PPARD: variants seen among roughly 807,000 people sequenced by gnomAD.
PPARD encodes peroxisome proliferator-activated receptor delta.
PPARD carries 6 observed loss-of-function variants against 39.5 expected under a neutral mutation model. The observed-to-expected ratio is 0.15, with a 90% confidence interval of 0.08 to 0.30. The LOEUF (loss-of-function observed/expected upper bound fraction) is 0.30. PPARD is among the 10% of genes least tolerant of loss of function. PPARD has a pLI of 1.00. For synonymous variants in PPARD, 210 were observed against 231.3 expected, an observed-to-expected ratio of 0.91 and a Z score of 0.83; for missense variants, 397 against 596.8, an observed-to-expected ratio of 0.67 and a Z score of 3.49.
Position 35,428,094 on chromosome 6 carries a change from T to G in PPARD, c.*2015T>G, listed in dbSNP as rs926032697. The G allele has an allele frequency of 1.3e-5, 2 of 152,708 alleles. No individual in the cohort carries two copies. The highest frequency in any genetic ancestry group is 2.4e-5 in the African/African-American group (1 of 41,472). 9.5% of individuals were successfully genotyped at this position (152,708 alleles called of 1,614,324 possible). A position where few individuals can be genotyped will look rare whatever the true frequency, so the allele number is the denominator to read the frequency against. On this transcript the variant is annotated 3_prime_UTR_variant, in exon 8 of 8. Coordinates refer to ENST00000360694, the MANE Select transcript of PPARD (RefSeq NM_006238.5). Reference sequence around the variant, plus strand: ...CCAAAATTGAAATGTATATTTTTGCTAGGAGCCCCAGCTTCCTGTGTTTTT... The same window carrying G: ...CCAAAATTGAAATGTATATTTTTGCGAGGAGCCCCAGCTTCCTGTGTTTTT...
At position 35,426,225 on chromosome 6, in the gene PPARD, G is replaced by A. The variant is rs200868970; in HGVS notation, c.*146G>A. 20 of 1,117,416 alleles carry A rather than the reference G, an allele frequency of 1.8e-5. No individual in the cohort carries two copies. Among genetic ancestry groups the A allele is most frequent in the Non-Finnish European group, 2.2e-5 (18 of 803,728 alleles). 69.2% of individuals were successfully genotyped at this position (1,117,416 alleles called of 1,614,324 possible). On this transcript the variant is annotated 3_prime_UTR_variant, in exon 8 of 8. Transcript: ENST00000360694. ...CGCCCTCAGACACATGACACCCACGGCCTCTGGCTCCCTGTGCCCTCTCTC... is the reference window on the plus strand; with the variant it reads ...CGCCCTCAGACACATGACACCCACGACCTCTGGCTCCCTGTGCCCTCTCTC...
intron 1 of PPARD, 117 bp from the exon 2 acceptor site, chr6:35,346,950 G>A (rs909803752): frequency 3.3e-6 from 2 of 610,834 alleles, no homozygotes; most frequent in Non-Finnish European, 5.6e-6. Context: ...GACCGACGAG[G>A]AGCCAGATTA....
chr6:35,399,592 G>A (rs1764569509), intron 2 of PPARD, among the ~76,000 whole-genome samples: 1 of 152,062 alleles, frequency 6.6e-6, no homozygotes. Context: ...GCATGAATCT[G>A]TAGTCCCAGC....
At chr6:35,406,075 A>T (rs1765029387) in intron 2 of PPARD, among the ~76,000 whole-genome samples, 1 of 150,868 alleles carries the variant, frequency 6.6e-6, no homozygotes, top group Admixed American at 6.6e-5. Context: ...ACAAATGTGC[A>T]CCACCGCACC....
At chr6:35,384,357 G>A (rs1203011125) in intron 2 of PPARD, among the ~76,000 whole-genome samples, 3 of 138,508 alleles carry the variant, frequency 2.2e-5, no homozygotes, top group East Asian at 4.5e-4. Context: ...GGGAGGTGAG[G>A]GGCGCCTCTG....
chr6:35,388,207 G>A (rs75813414), intron 2 of PPARD, among the ~76,000 whole-genome samples: 1 of 152,102 alleles, frequency 6.6e-6, no homozygotes, highest in African/African-American at 2.4e-5. Context: ...AGTGAGAGGA[G>A]TTGGGGCTCA....
chr6:35,402,371 T>G (rs1764754332), intron 2 of PPARD, among the ~76,000 whole-genome samples: 1 of 152,224 alleles, frequency 6.6e-6, no homozygotes, highest in Non-Finnish European at 1.5e-5. Flanking sequence ...AGCACGTTAG[T>G]GCTCCCAGTG....
chr6:35,365,130 C>CCTTTTTTTTTTTTTTTTTTTTTTT (rs1281072287), intron 2 of PPARD, among the ~76,000 whole-genome samples: 5 of 121,084 alleles, frequency 4.1e-5, no homozygotes, highest in African/African-American at 1.7e-4. Context: ...CTTCCTTATT[C>CCTTTTTTTTTTTTTTTTTTTTTTT]TTTTTTTTTT....
chr6:35,426,533 T>G lies in PPARD; in HGVS notation c.*454T>G. On this transcript the variant is annotated 3_prime_UTR_variant, in exon 8 of 8. Transcript: ENST00000360694. ...GTGGGGCCTGCCCTCTGCCCCATCA[T>G]TGCACCTGCAGGCTTAGGTCCTCAC... 1 of 186,442 alleles carries G rather than the reference T, an allele frequency of 5.4e-6. No homozygotes were observed. Among genetic ancestry groups the G allele is most frequent in the East Asian group, 1.6e-4 (1 of 6,330 alleles). The allele number at this position is 186,442 out of a possible 1,614,324, so 11.5% of individuals were successfully genotyped here.
At chr6:35,391,938 TC>T (rs1764027691) in intron 2 of PPARD, among the ~76,000 whole-genome samples, 1 of 152,056 alleles carries the variant, frequency 6.6e-6, no homozygotes, top group Non-Finnish European at 1.5e-5. Context: ...CCAAGCTGCC[TC>T]CTTTGTGAGG....
intron 2 of PPARD, chr6:35,397,384 G>A: frequency 3.9e-6 from 1 of 255,556 alleles, no homozygotes; most frequent in South Asian, 1.5e-4. Context: ...AACGTCACTT[G>A]GCAGATTAGC....
intron 2 of PPARD, among the ~76,000 whole-genome samples, chr6:35,404,054 C>T (rs1034483706): frequency 6.6e-6 from 1 of 152,126 alleles, no homozygotes; most frequent in South Asian, 2.1e-4. Context: ...GGACTGGCAG[C>T]CAGACAGAGG....
rs1339088808 is a variant in PPARD, at chr6:35,424,627, G to A, written c.926G>A (p.Ser309Asn). 1.9e-6 allele frequency: 3 copies of A among 1,614,250 alleles called. No individual in the cohort carries two copies. Among genetic ancestry groups the A allele is most frequent in the Non-Finnish European group, 2.5e-6 (3 of 1,180,046 alleles). ...GACGGGCTGCTGGTAGCCAACGGCA[G>A]TGGCTTTGTCACCCGTGAGTTCCTG... ...NKDGLLVANG[S>N]GFVTREFLRS... Residue 309 changes from serine to asparagine, a missense_variant, in exon 7 of 8, where the codon AGT (serine) becomes AAT (asparagine). Transcript: ENST00000360694. This position sits in a 1 kb window ranked among gnomAD's most constrained non-coding sequence, Gnocchi z 7.1.
rs1313267343 is a variant in PPARD at position 35,412,506 on chromosome 6, A to C, written c.130+1289A>C. On this transcript the variant is annotated intron_variant, in intron 3 of 7. Coordinates refer to ENST00000360694, the MANE Select transcript of PPARD (RefSeq NM_006238.5). This position sits in a 1 kb window ranked among gnomAD's most constrained non-coding sequence, Gnocchi z 4.1. Reference sequence around the variant, plus strand: ...AGCAGGAGGAGGCAGTTAGTGTCCAAGCTAAGGCAGGGTGAAGGCTGTGGA... The same window carrying C: ...AGCAGGAGGAGGCAGTTAGTGTCCACGCTAAGGCAGGGTGAAGGCTGTGGA... Among the ~76,000 whole-genome samples, 1 of 152,166 alleles carries C rather than the reference A, an allele frequency of 6.6e-6. No homozygotes were observed. Among genetic ancestry groups the C allele is most frequent in the Non-Finnish European group, 1.5e-5 (1 of 68,020 alleles).
At chr6:35,413,560 C>A (rs1029226041) in intron 3 of PPARD, among the ~76,000 whole-genome samples, 1 of 152,088 alleles carries the variant, frequency 6.6e-6, no homozygotes, top group African/African-American at 2.4e-5. Flanking sequence ...TCAGTCTAAC[C>A]AACTCAAAGA....
chr6:35,376,606 G>T (rs1385427084), intron 2 of PPARD, among the ~76,000 whole-genome samples: 1 of 152,194 alleles, frequency 6.6e-6, no homozygotes, highest in Non-Finnish European at 1.5e-5. Context: ...GCGGGGCCAT[G>T]AGTGTTTCAG....
chr6:35,377,185 G>A (rs1224297143), intron 2 of PPARD, among the ~76,000 whole-genome samples: 1 of 152,108 alleles, frequency 6.6e-6, no homozygotes, highest in African/African-American at 2.4e-5. Flanking sequence ...TTCATTTGTG[G>A]GTGCGAAAGT....
rs1791903674 is a variant in PPARD, at chr6:35,342,664, C to T, written c.-203C>T. ...GCCTGCGGGACGGCGGCGGTGGCGC[C>T]GTAGGCAGCCGGGACAGGTCAGTCC... On this transcript the variant is annotated 5_prime_UTR_variant, in exon 1 of 8. Transcript: ENST00000360694. The T allele has an allele frequency of 6.5e-6, 1 of 152,854 alleles. No individual in the cohort carries two copies. Among genetic ancestry groups the T allele is most frequent in the Non-Finnish European group, 1.5e-5 (1 of 68,588 alleles). 9.5% of individuals were successfully genotyped at this position (152,854 alleles called of 1,614,324 possible).
At chr6:35,362,446 C>CT (rs34916659) in intron 2 of PPARD, among the ~76,000 whole-genome samples, 25,803 of 144,690 alleles carry the variant, frequency 0.18, 4,772 homozygotes, top group African/African-American at 0.47. Flanking sequence ...CCACTCCTGC[C>CT]TTTTTTTTTT....
Sources: allele counts gnomAD v4.1 joint callset (sites outside exome capture counted in the v4.1 genomes callset), GRCh38; gene constraint gnomAD v4.1.1; non-coding constraint Gnocchi (gnomAD v3.1); transcripts MANE v1.5; gene names NCBI Gene and HGNC (gene_info 2026-07-23, HGNC 2026-07-21).